Variants in ZNF280A observed in about 807,000 individuals in gnomAD.
The protein encoded by ZNF280A is suppressor of hairy wing homolog 1.
Under a neutral mutation model 35.9 loss-of-function variants are expected in ZNF280A, and 26 were observed. The ratio of observed to expected loss-of-function variants is 0.72; its 90% confidence interval spans 0.53 to 1.01. The LOEUF is 1.01. Ranked by LOEUF, ZNF280A falls within the 50% of genes least tolerant of loss-of-function variation. ZNF280A has a pLI of 0.00. For missense variants in ZNF280A, 654 were observed against 652.0 expected, an observed-to-expected ratio of 1.00 and a Z score of -0.03; for synonymous variants, 231 against 232.9, an observed-to-expected ratio of 0.99 and a Z score of 0.07.
In ZNF280A at chr22:22,514,573, A is replaced by G. The variant is rs776970656; in HGVS notation, c.1058T>C (p.Ile353Thr). 5.0e-6 allele frequency: 8 copies of G among 1,613,814 alleles called. No homozygotes were observed. In the Admixed American group the frequency reaches 6.7e-5, roughly 13 times the overall value. Residue 353 changes from isoleucine to threonine, a missense_variant, in exon 2 of 2, where the codon ATT (isoleucine) becomes ACT (threonine). Coordinates refer to ENST00000302097, the MANE Select transcript of ZNF280A (RefSeq NM_080740.5). Reference protein sequence around the residue: ...FPTPFQLQCHIDSVHIAMGPS... With the variant: ...FPTPFQLQCHTDSVHIAMGPS... ...CCCCATGGCGATGTGTACACTATCA[A>G]TGTGACACTGTAGCTGGAAGGGAGT...
Position 22,515,468 on chromosome 22 carries a change from A to C in ZNF280A, c.163T>G (p.Ser55Ala). 1 of 1,613,796 alleles carries C rather than the reference A, an allele frequency of 6.2e-7. No homozygotes were observed. The highest frequency in any genetic ancestry group is 8.5e-7 in the Non-Finnish European group (1 of 1,179,956). Residue 55 changes from serine (S) to alanine (A), a missense_variant, in exon 2 of 2, where the codon TCA becomes GCA. By Grantham distance (99) the Ser-to-Ala change is moderately conservative. Coordinates refer to ENST00000302097, the MANE Select transcript of ZNF280A (RefSeq NM_080740.5). ...AAAATGTTTGAAACGACTGGTTTTGAATTTGAAATCATCCCGACAAAGAGA... is the reference window on the plus strand; with the variant it reads ...AAAATGTTTGAAACGACTGGTTTTGCATTTGAAATCATCCCGACAAAGAGA... The part of the protein sequence containing the change: ...EVLFVGMISN[S>A]KPVVSNILNR...
Position 22,515,015 on chromosome 22 carries a change from T to G in ZNF280A, c.616A>C (p.Thr206Pro), listed in dbSNP as rs1426000824. The G allele has an allele frequency of 1.2e-6, 2 of 1,613,798 alleles. No individual in the cohort carries two copies. Among genetic ancestry groups the G allele is most frequent in the Admixed American group, 3.3e-5 (2 of 59,978 alleles). The change falls in exon 2 of 2, where the codon ACA becomes CCA. Residue 206 changes from threonine (T) to proline (P), a missense_variant. Thr to Pro is a conservative substitution (Grantham distance 38). Transcript: ENST00000302097. ...CAGATCCCCTGTGAGGGTGTATTTGTGCTTATTGTAGAAGACATATCTGAA... is the reference window on the plus strand; with the variant it reads ...CAGATCCCCTGTGAGGGTGTATTTGGGCTTATTGTAGAAGACATATCTGAA... ...VPSDMSSTIS[T>P]NTPSQGICNS...
At chr22:22,518,465 T>A (rs1273334376) in intron 1 of ZNF280A, among the ~76,000 whole-genome samples, 1 of 151,832 alleles carries the variant, frequency 6.6e-6, no homozygotes, top group African/African-American at 2.4e-5. Flanking sequence ...TTTTTAAACT[T>A]GTACATTTTT....
intron 1 of ZNF280A, among the ~76,000 whole-genome samples, chr22:22,515,972 A>G (rs2062064250): frequency 6.6e-6 from 1 of 151,884 alleles, no homozygotes; most frequent in African/African-American, 2.4e-5. Context: ...TTTGCACTCT[A>G]GATGCCTCAC....
In ZNF280A at chr22:22,513,804, C is replaced by T. The variant is rs361709; in HGVS notation, c.*198G>A. Reference sequence around the variant, plus strand: ...CTCTGAGGTCAGAATAAGGGATGCCCTGTTGGGAGCATTTGACTGGGAAAG... The same window carrying T: ...CTCTGAGGTCAGAATAAGGGATGCCTTGTTGGGAGCATTTGACTGGGAAAG... On this transcript the variant is annotated 3_prime_UTR_variant, in exon 2 of 2. Coordinates refer to ENST00000302097, the MANE Select transcript of ZNF280A (RefSeq NM_080740.5). 156,086 of 530,578 alleles carry T rather than the reference C, an allele frequency of 0.29. 24,812 individuals are homozygous for T. Among genetic ancestry groups the T allele is most frequent in the East Asian group, 0.51 (16,577 of 32,628 alleles). 32.9% of individuals were successfully genotyped at this position (530,578 alleles called of 1,614,324 possible). A position where few individuals can be genotyped will look rare whatever the true frequency, so the allele number is the denominator to read the frequency against.
Position 22,515,426 on chromosome 22 carries a change from C to T in ZNF280A, c.205G>A (p.Gly69Ser). 1 of 1,613,766 alleles carries T rather than the reference C, an allele frequency of 6.2e-7. No homozygotes were observed. Among genetic ancestry groups the T allele is most frequent in the South Asian group, 1.1e-5 (1 of 91,050 alleles). Reference sequence around the variant, plus strand: ...CCTTTCTTTCTTCTTGAATTTGAGCCTGGGGTGACTCTGTTCAAAATGTTT... The same window carrying T: ...CCTTTCTTTCTTCTTGAATTTGAGCTTGGGGTGACTCTGTTCAAAATGTTT... ...VSNILNRVTPGSNSRRKKGHF... is the reference protein window; with the variant it reads ...VSNILNRVTPSSNSRRKKGHF... The change falls in exon 2 of 2, where the codon GGC becomes AGC. Residue 69 changes from glycine to serine, a missense_variant. Gly to Ser is a moderately conservative substitution (Grantham distance 56, BLOSUM62 0). Transcript: ENST00000302097.
At chr22:22,517,296 A>G (rs1393440282) in intron 1 of ZNF280A, among the ~76,000 whole-genome samples, 3 of 151,972 alleles carry the variant, frequency 2.0e-5, no homozygotes, top group Non-Finnish European at 4.4e-5. Context: ...ACTAAACTGT[A>G]TGCCACACGA....
At chr22:22,517,778 A>G (rs925761922) in intron 1 of ZNF280A, among the ~76,000 whole-genome samples, 12 of 151,756 alleles carry the variant, frequency 7.9e-5, no homozygotes, top group African/African-American at 2.4e-4. Flanking sequence ...GACATATCTC[A>G]GATCCTTTTG....
intron 1 of ZNF280A, among the ~76,000 whole-genome samples, chr22:22,515,906 G>C (rs1175453386): frequency 6.6e-6 from 1 of 151,790 alleles, no homozygotes. Flanking sequence ...GTGAGGCAAA[G>C]GAAGCAAGAT....
chr22:22,520,153 C>T lies in ZNF280A; in HGVS notation c.-136G>A, dbSNP rs386819942. 61 of 152,050 alleles carry T rather than the reference C, an allele frequency of 4.0e-4. No homozygotes were observed. Among genetic ancestry groups the T allele is most frequent in the African/African-American group, 1.4e-3 (56 of 41,478 alleles). The allele number at this position is 152,050 out of a possible 1,614,324, so 9.4% of individuals were successfully genotyped here. On this transcript the variant is annotated 5_prime_UTR_variant, in exon 1 of 2. Coordinates refer to ENST00000302097, the MANE Select transcript of ZNF280A (RefSeq NM_080740.5). The stretch of plus-strand genomic sequence containing the variant: ...CAGCTCAGTATGTTCCACTCTGGGC[C>T]GCAAGGGAAAGCGAAGCTGGAGCTT...
At chr22:22,517,876 T>TAAAAAA (rs362029) in intron 1 of ZNF280A, among the ~76,000 whole-genome samples, 3 of 127,920 alleles carry the variant, frequency 2.3e-5, no homozygotes, top group Non-Finnish European at 4.8e-5. Flanking sequence ...ACATCTGATG[T>TAAAAAA]AAAAAAAAAA....
chr22:22,518,694 A>G (rs2062103921), intron 1 of ZNF280A, among the ~76,000 whole-genome samples: 1 of 151,436 alleles, frequency 6.6e-6, no homozygotes, highest in African/African-American at 2.4e-5. Context: ...AGGCTGAGGC[A>G]GGAGAATCTC....
chr22:22,519,113 A>G (rs758290716), intron 1 of ZNF280A, among the ~76,000 whole-genome samples: 25 of 151,934 alleles, frequency 1.6e-4, no homozygotes, highest in Non-Finnish European at 2.4e-4. Context: ...AAGCATAACA[A>G]AATAATTATA....
chr22:22,518,316 T>A (rs916666348), intron 1 of ZNF280A, among the ~76,000 whole-genome samples: 4 of 151,954 alleles, frequency 2.6e-5, no homozygotes, highest in African/African-American at 9.7e-5. Context: ...CTAATGGATA[T>A]CAGCTACATT....
In ZNF280A at chr22:22,515,380, G is replaced by A. The variant is rs138012618; in HGVS notation, c.251C>T (p.Ala84Val). The A allele has an allele frequency of 2.4e-4, 381 of 1,613,768 alleles. No individual in the cohort carries two copies. The highest frequency in any genetic ancestry group is 3.2e-4 in the Non-Finnish European group (376 of 1,179,984). ...RKKGHFRQYP[A>V]HVSQPANHVT... Reference sequence around the variant, plus strand: ...ATGATTTGCAGGCTGCGACACGTGAGCAGGATATTGACGGAAGTGGCCTTT... The same window carrying A: ...ATGATTTGCAGGCTGCGACACGTGAACAGGATATTGACGGAAGTGGCCTTT... The change falls in exon 2 of 2, where the codon GCT becomes GTT. Residue 84 changes from alanine to valine, a missense_variant. Ala to Val is a moderately conservative substitution (Grantham distance 64). Transcript: ENST00000302097.
In ZNF280A at chr22:22,515,349, G is replaced by A; in HGVS notation, c.282C>T (p.Thr94=). The A allele has an allele frequency of 2.5e-6, 4 of 1,613,920 alleles. No individual in the cohort carries two copies. Among genetic ancestry groups the A allele is most frequent in the Non-Finnish European group, 3.4e-6 (4 of 1,179,970 alleles). ...AHVSQPANHV[T]SMAKAIMPVS... ...CCGGCATGATGGCTTTTGCCATAGAGGTCACATGATTTGCAGGCTGCGACA... is the reference window on the plus strand; with the variant it reads ...CCGGCATGATGGCTTTTGCCATAGAAGTCACATGATTTGCAGGCTGCGACA... Residue 94 remains threonine, a synonymous_variant, in exon 2 of 2, where the codon ACC becomes ACT. Transcript: ENST00000302097.
In ZNF280A at chr22:22,514,342, T is replaced by C. The variant is rs1222762348; in HGVS notation, c.1289A>G (p.Lys430Arg). The change falls in exon 2 of 2, where the codon AAA becomes AGA. Residue 430 changes from lysine to arginine, a missense_variant. By Grantham distance (26) the Lys-to-Arg change is conservative. Transcript: ENST00000302097. ...TKNLLCLFCL[K>R]LFKTAIPYMN... is the part of the protein sequence containing the mutation. ...GTATGGTATTGCAGTTTTGAAAAGT[T>C]TGAGACAAAACAGACAAAGCAAATT... 2 of 1,613,946 alleles carry C rather than the reference T, an allele frequency of 1.2e-6. No homozygotes were observed. Among genetic ancestry groups the C allele is most frequent in the Middle Eastern group, 1.7e-4 (1 of 6,052 alleles).
chr22:22,514,138 A>C lies in ZNF280A; in HGVS notation c.1493T>G (p.Val498Gly). 6.2e-7 allele frequency: 1 copy of C among 1,613,932 alleles called. No homozygotes were observed. The highest frequency in any genetic ancestry group is 2.2e-5 in the East Asian group (1 of 44,802). The change falls in exon 2 of 2, where the codon GTT (valine) becomes GGT (glycine). Residue 498 changes from valine to glycine, a missense_variant. Val to Gly is a moderately radical substitution (Grantham distance 109). Coordinates refer to ENST00000302097, the MANE Select transcript of ZNF280A (RefSeq NM_080740.5). ...AGCCATACCACTTGATCCTGGCTGA[A>C]CTGAAGTTTGAATAATAACTTTTGT... ...SETKVIIQTS[V>G]QPGSSGMASV...
Position 22,517,486 on chromosome 22 carries a change from G to T in ZNF280A, c.-71-1785C>A, listed in dbSNP as rs547042870. ...CATTTAATGAAATCCAAATCCAAAT[G>T]ATTTAATACTGTTGTACAAGGGAGA... On this transcript the variant is annotated intron_variant, in intron 1 of 1. Coordinates refer to ENST00000302097, the MANE Select transcript of ZNF280A (RefSeq NM_080740.5). Among the ~76,000 whole-genome samples the T allele has an allele frequency of 4.7e-4, 72 of 151,992 alleles. 1 individual carries two copies. Among genetic ancestry groups the T allele is most frequent in the African/African-American group, 1.7e-3 (70 of 41,480 alleles).
Sources: allele counts gnomAD v4.1 joint callset (sites outside exome capture counted in the v4.1 genomes callset), GRCh38; gene constraint gnomAD v4.1.1; transcripts MANE v1.5; gene names NCBI Gene and HGNC (gene_info 2026-07-23, HGNC 2026-07-21).